FREY1: variants seen among roughly 807,000 people sequenced by gnomAD.
FREY1 encodes Frey regulator of sperm-oocyte fusion 1, also known as protein Frey 1.
the FREY1 span, chr11:45,906,731 G>A: frequency 1.9e-6 from 3 of 1,576,114 alleles, no homozygotes; most frequent in Admixed American, 3.5e-5. Flanking sequence ...GGGGGCAGCT[G>A]GCTCTGATGG....
the FREY1 span, chr11:45,907,242 C>CCAT: frequency 5.8e-6 from 9 of 1,547,908 alleles, no homozygotes; most frequent in Admixed American, 3.9e-5. Flanking sequence ...ATGGCGAGAA[C>CCAT]CATCTCCTAC....
At chr11:45,906,702 AAAG>A in the FREY1 span, 2 of 1,578,456 alleles carry the variant, frequency 1.3e-6, no homozygotes, top group Non-Finnish European at 1.7e-6. Context: ...TAAAGAGAGA[AAAG>A]AGGGCATGGG....
At chr11:45,907,024 G>A in the FREY1 span, 56 of 1,567,874 alleles carry the variant, frequency 3.6e-5, no homozygotes, top group Non-Finnish European at 4.6e-5. Flanking sequence ...GCTCAGTGTG[G>A]GGGCACTTGG....
At chr11:45,907,212 G>A in the FREY1 span, 216 of 1,555,244 alleles carry the variant, frequency 1.4e-4, no homozygotes, top group South Asian at 9.1e-4. Context: ...AGCCCAGCCC[G>A]GGGGTGCAGA....
chr11:45,906,688 A>T, the FREY1 span: 2 of 1,581,018 alleles, frequency 1.3e-6, no homozygotes, highest in African/African-American at 1.4e-5. Flanking sequence ...AGGATGCCAT[A>T]GTCTAAAGAG....
At chr11:45,906,854 C>G in the FREY1 span, 1 of 1,613,658 alleles carries the variant, frequency 6.2e-7, no homozygotes, top group Non-Finnish European at 8.5e-7. Flanking sequence ...GGGAAGGGGA[C>G]AAGAGAGATA....
the FREY1 span, chr11:45,906,960 G>T: frequency 6.2e-7 from 1 of 1,613,510 alleles, no homozygotes; most frequent in Non-Finnish European, 8.5e-7. Flanking sequence ...AGATGTCGGG[G>T]TGCTCAGCCC....
chr11:45,906,859 G>GAGAT, the FREY1 span: 1 of 1,613,778 alleles, frequency 6.2e-7, no homozygotes, highest in Non-Finnish European at 8.5e-7. Flanking sequence ...GGGGACAAGA[G>GAGAT]AGATACTACC....
the FREY1 span, chr11:45,906,926 G>A: frequency 6.8e-6 from 11 of 1,613,708 alleles, no homozygotes; most frequent in Non-Finnish European, 9.3e-6. Flanking sequence ...AATGCCTCAG[G>A]AACAGACCGC....
the FREY1 span, chr11:45,906,937 T>C: frequency 6.2e-7 from 1 of 1,613,730 alleles, no homozygotes; most frequent in Non-Finnish European, 8.5e-7. Flanking sequence ...AACAGACCGC[T>C]GAGACCTGTG....
chr11:45,906,896 A>G, the FREY1 span: 1 of 1,613,862 alleles, frequency 6.2e-7, no homozygotes, highest in Non-Finnish European at 8.5e-7. Flanking sequence ...AGTGGCTGCG[A>G]GAGTTCCAGG....
At chr11:45,907,097 C>T in the FREY1 span, 1 of 1,537,088 alleles carries the variant, frequency 6.5e-7, no homozygotes, top group East Asian at 2.4e-5. Context: ...GGGGCAGCAC[C>T]TCCACCATCC....
chr11:45,906,939 A>AGAC, the FREY1 span: 1 of 1,613,798 alleles, frequency 6.2e-7, no homozygotes, highest in Admixed American at 1.7e-5. Context: ...CAGACCGCTG[A>AGAC]GACCTGTGGG....
chr11:45,906,854 CAA>C, the FREY1 span: 8 of 1,613,658 alleles, frequency 5.0e-6, no homozygotes, highest in Admixed American at 1.7e-5. Context: ...GGGAAGGGGA[CAA>C]GAGAGATACT....
At chr11:45,907,199 C>T in the FREY1 span, 4 of 1,556,672 alleles carry the variant, frequency 2.6e-6, no homozygotes, top group Admixed American at 7.7e-5. Flanking sequence ...GAGGAAGAGG[C>T]TGAGCCCAGC....
At chr11:45,907,199 CTG>C in the FREY1 span, 2 of 1,556,672 alleles carry the variant, frequency 1.3e-6, no homozygotes, top group South Asian at 2.4e-5. Context: ...GAGGAAGAGG[CTG>C]AGCCCAGCCC....
At chr11:45,907,259 C>T in the FREY1 span, 1 of 1,530,640 alleles carries the variant, frequency 6.5e-7, no homozygotes, top group South Asian at 1.2e-5. Context: ...CTACACGGGT[C>T]CTGGCTCCTG....
chr11:45,906,623 C>G, the FREY1 span: 149 of 1,593,542 alleles, frequency 9.4e-5, no homozygotes, highest in East Asian at 3.3e-3. Flanking sequence ...CCCGCTTGCG[C>G]TGCTGGGCCC....
the FREY1 span, chr11:45,907,076 C>G: frequency 1.3e-6 from 2 of 1,528,520 alleles, no homozygotes; most frequent in South Asian, 1.2e-5. Flanking sequence ...AGCCCCACTC[C>G]AGAGAGGGGA....
Sources: gnomAD v4.1 joint callset for allele counts on GRCh38, gnomAD v4.1.1 for gene constraint, MANE v1.5 for transcripts, NCBI Gene and HGNC (gene_info 2026-07-23, HGNC 2026-07-21) for gene names.